The following TJP3 variants were observed in gnomAD, a reference collection of about 807,000 sequenced individuals.
TJP3 encodes tight junction protein 3, also known as tight junction protein ZO-3.
A neutral mutation model predicts 104.2 loss-of-function variants in TJP3; 85 were observed. That is an observed-to-expected ratio of 0.82 (90% CI 0.68 to 0.98). The LOEUF is 0.98. TJP3 is among the 50% of genes least tolerant of loss of function. The pLI is 0.00. For synonymous variants in TJP3, 550 were observed against 550.6 expected, an observed-to-expected ratio of 1.00 and a Z score of 0.02; for missense variants, 1,367 against 1,322.8, an observed-to-expected ratio of 1.03 and a Z score of -0.52.
Position 3,730,085 on chromosome 19 carries a change from G to T in TJP3, c.216G>T (p.Ala72=). The change falls in exon 4 of 21, where the codon GCG becomes GCT. Residue 72 remains alanine (A), a synonymous_variant. Coordinates refer to ENST00000541714, the MANE Select transcript of TJP3 (RefSeq NM_001267560.2). This position sits in a 1 kb window ranked among gnomAD's most constrained non-coding sequence, Gnocchi z 7.3. ...TTTCCATGGAGAATGCCACCTCCGC[G>T]TTTGCCATTCAGATACTCAAGACCT... ...NGVSMENATS[A]FAIQILKTCT... 6.2e-7 allele frequency: 1 copy of T among 1,614,124 alleles called. No individual in the cohort carries two copies. Among genetic ancestry groups the T allele is most frequent in the Non-Finnish European group, 8.5e-7 (1 of 1,180,022 alleles).
At chr19:3,728,165 G>A (rs1275118648) in intron 1 of TJP3, among the ~76,000 whole-genome samples, 3 of 151,826 alleles carry the variant, frequency 2.0e-5, no homozygotes, top group African/African-American at 2.4e-5. Context: ...GCTTGAACCC[G>A]GGAGGTGGAG....
intron 11 of TJP3, among the ~76,000 whole-genome samples, chr19:3,736,806 C>A (rs1336401390): frequency 6.6e-6 from 1 of 151,590 alleles, no homozygotes; most frequent in African/African-American, 2.4e-5. Context: ...AAACTCCTGA[C>A]CTCAGGTGAT....
intron 1 of TJP3, among the ~76,000 whole-genome samples, chr19:3,713,647 C>T (rs184737818): frequency 6.6e-6 from 1 of 152,282 alleles, no homozygotes; most frequent in Admixed American, 6.5e-5. Flanking sequence ...TAGTGGAAAT[C>T]AGTTGGGTGT....
chr19:3,711,028 C>T (rs1403983620), intron 1 of TJP3, among the ~76,000 whole-genome samples: 7 of 149,956 alleles, frequency 4.7e-5, no homozygotes, highest in African/African-American at 1.2e-4. Context: ...CTCAGCCTCC[C>T]GAGTAGCTGG....
In TJP3 at chr19:3,750,789, T is replaced by C. The variant is rs963436382; in HGVS notation, c.*105T>C. On this transcript the variant is annotated 3_prime_UTR_variant, in exon 21 of 21. Transcript: ENST00000541714. ...ACCTTACCTCCCTCCGCCTGGTCTTTAATAAACAGAGTATTTTCACAGCAC... is the reference window on the plus strand; with the variant it reads ...ACCTTACCTCCCTCCGCCTGGTCTTCAATAAACAGAGTATTTTCACAGCAC... 9.1e-7 allele frequency: 1 copy of C among 1,094,566 alleles called. No individual in the cohort carries two copies. The highest frequency in any genetic ancestry group is 1.3e-6 in the Non-Finnish European group (1 of 743,200). 67.8% of individuals were successfully genotyped at this position (1,094,566 alleles called of 1,614,324 possible).
At chr19:3,718,700 C>G (rs1305013297) in intron 1 of TJP3, among the ~76,000 whole-genome samples, 1 of 151,314 alleles carries the variant, frequency 6.6e-6, no homozygotes, top group African/African-American at 2.4e-5. Context: ...AACTCCTGAC[C>G]TCAGGTGATC....
rs1246047228 is a variant in TJP3 at position 3,744,015 on chromosome 19, T to C, written c.1920T>C (p.Pro640=). 1 of 1,613,990 alleles carries C rather than the reference T, an allele frequency of 6.2e-7. No homozygotes were observed. Among genetic ancestry groups the C allele is most frequent in the Non-Finnish European group, 8.5e-7 (1 of 1,180,022 alleles). Reference sequence around the variant, plus strand: ...TGCAGAAGTTGACTGCTGAGATGCCTGACCAGTTTGAAATCGCAGGTGAGA... The same window carrying C: ...TGCAGAAGTTGACTGCTGAGATGCCCGACCAGTTTGAAATCGCAGGTGAGA... ...IAMQKLTAEM[P]DQFEIAETVS... The change falls in exon 15 of 21, where the codon CCT becomes CCC. Residue 640 remains proline (P), a synonymous_variant. Transcript: ENST00000541714.
intron 6 of TJP3, among the ~76,000 whole-genome samples, chr19:3,732,595 C>T (rs1218682089): frequency 3.3e-5 from 5 of 151,878 alleles, no homozygotes; most frequent in South Asian, 2.1e-4. Context: ...CTGCAACCTC[C>T]GCCTCCCAGG....
At chr19:3,720,078 T>G (rs1362716725) in intron 1 of TJP3, among the ~76,000 whole-genome samples, 1 of 151,964 alleles carries the variant, frequency 6.6e-6, no homozygotes, top group Admixed American at 6.6e-5. Context: ...GACAACCCTG[T>G]GATGTAGGGG....
At chr19:3,747,549 T>C (rs1011504799) in intron 18 of TJP3, among the ~76,000 whole-genome samples, 4 of 152,156 alleles carry the variant, frequency 2.6e-5, no homozygotes, top group Non-Finnish European at 5.9e-5. Context: ...AGAGAGAGAA[T>C]GGAGTCTTCT....
rs376073827 is a variant in TJP3 at position 3,738,574 on chromosome 19, A to G, written c.1304A>G (p.Gln435Arg). 53 of 1,613,618 alleles carry G rather than the reference A, an allele frequency of 3.3e-5. No individual in the cohort carries two copies. The highest frequency in any genetic ancestry group is 4.2e-5 in the Non-Finnish European group (50 of 1,179,846). ...TGGCAGGTGAATGACGTGCCATTCC[A>G]GAACCTGACACGGGAGGAGGCAGTG... ...QILQVNDVPF[Q>R]NLTREEAVQF... Residue 435 changes from glutamine to arginine, a missense_variant, in exon 12 of 21, where the codon CAG becomes CGG. Gln to Arg is a conservative substitution (Grantham distance 43, BLOSUM62 1). Coordinates refer to ENST00000541714, the MANE Select transcript of TJP3 (RefSeq NM_001267560.2).
Position 3,743,950 on chromosome 19 carries a change from C to G in TJP3, c.1855C>G (p.Arg619Gly). The change falls in exon 15 of 21, where the codon CGC becomes GGC. Residue 619 changes from arginine to glycine, a missense_variant. By Grantham distance (125) the Arg-to-Gly change is moderately radical. Coordinates refer to ENST00000541714, the MANE Select transcript of TJP3 (RefSeq NM_001267560.2). ...TCTCTACCCCTCAGCCAGTTTCAAGCGCCCGGTAGTGATCCTGGGACCCGT... is the reference window on the plus strand; with the variant it reads ...TCTCTACCCCTCAGCCAGTTTCAAGGGCCCGGTAGTGATCCTGGGACCCGT... Reference protein sequence around the residue: ...RVVLREASFKRPVVILGPVAD... With the variant: ...RVVLREASFKGPVVILGPVAD... 1 of 1,614,108 alleles carries G rather than the reference C, an allele frequency of 6.2e-7. No individual in the cohort carries two copies. The highest frequency in any genetic ancestry group is 8.5e-7 in the Non-Finnish European group (1 of 1,180,020).
rs1177602098 is a variant in TJP3 at position 3,748,310 on chromosome 19, C to G, written c.2610+229C>G. On this transcript the variant is annotated intron_variant, in intron 19 of 20. Coordinates refer to ENST00000541714, the MANE Select transcript of TJP3 (RefSeq NM_001267560.2). The stretch of plus-strand genomic sequence containing the variant: ...TTTTTGAGACGCAGTCTTGCTCTGT[C>G]GCCTAGGCTGGAGTGCAATGGCGCA... Among the ~76,000 whole-genome samples, 5 of 137,654 alleles carry G rather than the reference C, an allele frequency of 3.6e-5. No individual in the cohort carries two copies. In the East Asian group the frequency reaches 1.0e-3, roughly 29 times the overall value. 90.3% of individuals were successfully genotyped at this position (137,654 alleles called of 152,430 possible). A position where few individuals can be genotyped will look rare whatever the true frequency, so the allele number is the denominator to read the frequency against.
At position 3,730,733 on chromosome 19, in the gene TJP3, G is replaced by A. The variant is rs1164614368; in HGVS notation, c.613+27G>A. The A allele has an allele frequency of 8.8e-6, 14 of 1,595,756 alleles. No homozygotes were observed. The highest frequency in any genetic ancestry group is 1.1e-5 in the South Asian group (1 of 90,282). On this transcript the variant is annotated intron_variant, in intron 5 of 20. Coordinates refer to ENST00000541714, the MANE Select transcript of TJP3 (RefSeq NM_001267560.2). This position sits in a 1 kb window ranked among gnomAD's most constrained non-coding sequence, Gnocchi z 7.3. Reference sequence around the variant, plus strand: ...TCAGAAGAGGCGGGAGGTCGGACACGATCAGTACTGGACACAGGGCACCGT... The same window carrying A: ...TCAGAAGAGGCGGGAGGTCGGACACAATCAGTACTGGACACAGGGCACCGT...
chr19:3,729,117 A>G (rs2036637662), intron 3 of TJP3, among the ~76,000 whole-genome samples: 1 of 152,160 alleles, frequency 6.6e-6, no homozygotes, highest in Non-Finnish European at 1.5e-5. Flanking sequence ...CTCTGTCAAC[A>G]CAGGGCTCGG....
rs1382133284 is a variant in TJP3, at chr19:3,717,137, G to C, written c.-10+8576G>C. On this transcript the variant is annotated intron_variant, in intron 1 of 20. Coordinates refer to ENST00000541714, the MANE Select transcript of TJP3 (RefSeq NM_001267560.2). ...TGTGCCACCACACCCAGCTAATTTTGTATTTTTAGTAGAGACGAGGTTTCT... is the reference window on the plus strand; with the variant it reads ...TGTGCCACCACACCCAGCTAATTTTCTATTTTTAGTAGAGACGAGGTTTCT... Among the ~76,000 whole-genome samples, 3 of 145,724 alleles carry C rather than the reference G, an allele frequency of 2.1e-5. 1 individual carries two copies. The highest frequency in any genetic ancestry group is 4.6e-5 in the Non-Finnish European group (3 of 65,088).
intron 1 of TJP3, among the ~76,000 whole-genome samples, chr19:3,723,732 G>A (rs2036566427): frequency 6.6e-6 from 1 of 150,756 alleles, no homozygotes; most frequent in Non-Finnish European, 1.5e-5. Flanking sequence ...GGCGGAGGTT[G>A]CAGTGAGCTG....
At chr19:3,732,796 A>C (rs2036689138) in intron 6 of TJP3, among the ~76,000 whole-genome samples, 1 of 151,716 alleles carries the variant, frequency 6.6e-6, no homozygotes, top group Admixed American at 6.6e-5. Flanking sequence ...GGCGTGCACC[A>C]CCACACCTTG....
At chr19:3,727,623 C>A (rs2036614273) in intron 1 of TJP3, among the ~76,000 whole-genome samples, 1 of 152,064 alleles carries the variant, frequency 6.6e-6, no homozygotes, top group Non-Finnish European at 1.5e-5. Flanking sequence ...AGGCAGGGAA[C>A]TGAGGGCTCA....
Sources: gnomAD v4.1 joint callset for allele counts (sites outside exome capture counted in the v4.1 genomes callset) on GRCh38, gnomAD v4.1.1 for gene constraint, Gnocchi (gnomAD v3.1) non-coding constraint, MANE v1.5 for transcripts, NCBI Gene and HGNC (gene_info 2026-07-23, HGNC 2026-07-21) for gene names.